The following ADD1 variants were observed in gnomAD, a reference collection of about 807,000 sequenced individuals.
The protein encoded by ADD1 is alpha-adducin.
A neutral mutation model predicts 80.5 loss-of-function variants in ADD1; 24 were observed. The observed-to-expected ratio is 0.30, with a 90% confidence interval of 0.22 to 0.42. The LOEUF is 0.42. Ranked by LOEUF, ADD1 falls within the 10% of genes least tolerant of loss-of-function variation. ADD1 has a pLI of 1.00. For synonymous variants in ADD1, 373 were observed against 393.8 expected (o/e 0.95, Z 0.63); for missense variants, 948 against 1,019.0 (o/e 0.93, Z 0.95).
rs767094265 is a variant in ADD1, at chr4:2,904,956, C to T, written c.1354C>T (p.Arg452Trp). 34 of 1,614,022 alleles carry T rather than the reference C, an allele frequency of 2.1e-5. No homozygotes were observed. The highest frequency in any genetic ancestry group is 1.6e-4 in the Middle Eastern group (1 of 6,084). The change falls in exon 10 of 16, where the codon CGG becomes TGG. Residue 452 changes from arginine to tryptophan, a missense_variant. Physicochemically the swap from Arg to Trp is moderately radical, Grantham distance 101. Coordinates refer to ENST00000683351, the MANE Select transcript of ADD1 (RefSeq NM_001354761.2). ...REKTRWLNSG[R>W]GDEASEEGQN... ...GAAGACAAGATGGCTGAACTCTGGC[C>T]GGGGCGACGAAGCTTCCGAGGAAGG...
At chr4:2,916,714 T>C (rs1039685523) in intron 14 of ADD1, among the ~76,000 whole-genome samples, 1 of 152,148 alleles carries the variant, frequency 6.6e-6, no homozygotes, top group Non-Finnish European at 1.5e-5. Flanking sequence ...GGCCCTGGTG[T>C]GTGATGTCCC....
intron 1 of ADD1, among the ~76,000 whole-genome samples, chr4:2,871,510 C>A (rs1730454054): frequency 6.6e-6 from 1 of 152,174 alleles, no homozygotes; most frequent in Non-Finnish European, 1.5e-5. Context: ...TTAGTAGTAT[C>A]AGTCTGAAAA....
rs1263357 is a variant in ADD1, at chr4:2,869,901, C to G, written c.-20-5995C>G. On this transcript the variant is annotated intron_variant, in intron 1 of 15. Coordinates refer to ENST00000683351, the MANE Select transcript of ADD1 (RefSeq NM_001354761.2). ...GGACATTACCAGGGGATACCACTTT[C>G]ATTATCTCCTTTTTCCCACGGAGCA... Among the ~76,000 whole-genome samples the G allele has an allele frequency of 1.3e-3, 197 of 152,308 alleles. 2 individuals are homozygous for G. Among genetic ancestry groups the G allele is most frequent in the Non-Finnish European group, 1.1e-3 (75 of 68,014 alleles).
Position 2,928,782 on chromosome 4 carries a change from A to C in ADD1, c.*259A>C, listed in dbSNP as rs1329201805. ...CTCTCCCCACAGGGGGGAGGCACTAAGTCATGGTCCTGGCTGGAAGGTACT... is the reference window on the plus strand; with the variant it reads ...CTCTCCCCACAGGGGGGAGGCACTACGTCATGGTCCTGGCTGGAAGGTACT... On this transcript the variant is annotated 3_prime_UTR_variant, in exon 16 of 16. Transcript: ENST00000683351. 2.1e-6 allele frequency: 1 copy of C among 482,016 alleles called. No homozygotes were observed. Among genetic ancestry groups the C allele is most frequent in the African/African-American group, 2.0e-5 (1 of 48,966 alleles). 29.9% of individuals were successfully genotyped at this position (482,016 alleles called of 1,614,324 possible).
At position 2,875,978 on chromosome 4, in the gene ADD1, G is replaced by A. The variant is rs1248208885; in HGVS notation, c.63G>A (p.Lys21=). The A allele has an allele frequency of 6.2e-7, 1 of 1,614,030 alleles. No individual in the cohort carries two copies. The highest frequency in any genetic ancestry group is 8.5e-7 in the Non-Finnish European group (1 of 1,179,950). The stretch of plus-strand genomic sequence containing the variant: ...CACCCCCGACCACAGCCCCTCACAA[G>A]GAGAGGTACTTCGACCGAGTAGATG... ...TSPPPTTAPH[K]ERYFDRVDEN... Residue 21 remains lysine, a synonymous_variant, in exon 2 of 16, where the codon AAG becomes AAA. Coordinates refer to ENST00000683351, the MANE Select transcript of ADD1 (RefSeq NM_001354761.2).
Position 2,929,615 on chromosome 4 carries a change from T to C in ADD1, c.*1092T>C, listed in dbSNP as rs1225451947. ...CAGGAGGTGCCGGTACCAGCCTGACTAGGTACAGGCAAGCTTGTGTGGGCC... is the reference window on the plus strand; with the variant it reads ...CAGGAGGTGCCGGTACCAGCCTGACCAGGTACAGGCAAGCTTGTGTGGGCC... On this transcript the variant is annotated 3_prime_UTR_variant, in exon 16 of 16. Coordinates refer to ENST00000683351, the MANE Select transcript of ADD1 (RefSeq NM_001354761.2). The C allele has an allele frequency of 6.6e-6, 1 of 152,240 alleles. No individual in the cohort carries two copies. Among genetic ancestry groups the C allele is most frequent in the Admixed American group, 6.5e-5 (1 of 15,284 alleles). 9.4% of individuals were successfully genotyped at this position (152,240 alleles called of 1,614,324 possible). A position where few individuals can be genotyped will look rare whatever the true frequency, so the allele number is the denominator to read the frequency against.
At position 2,928,189 on chromosome 4, in the gene ADD1, C is replaced by T. The variant is rs759172832; in HGVS notation, c.2066C>T (p.Thr689Ile). ...KLEEDLVPEP[T>I]TGDDSDAATF... ...CCACTAGACCTTGTGCCGGAGCCGA[C>T]TACTGGAGATGACAGTGATGCTGCC... The change falls in exon 16 of 16, where the codon ACT becomes ATT. Residue 689 changes from threonine to isoleucine, a missense_variant. Coordinates refer to ENST00000683351, the MANE Select transcript of ADD1 (RefSeq NM_001354761.2). The T allele has an allele frequency of 6.2e-7, 1 of 1,614,156 alleles. No homozygotes were observed. Among genetic ancestry groups the T allele is most frequent in the Non-Finnish European group, 8.5e-7 (1 of 1,180,028 alleles).
At chr4:2,923,157 TGCTG>T (rs1740355677) in intron 14 of ADD1, among the ~76,000 whole-genome samples, 1 of 152,206 alleles carries the variant, frequency 6.6e-6, no homozygotes, top group African/African-American at 2.4e-5. Flanking sequence ...GGTTCTGTCT[TGCTG>T]GCATTCCAGG....
chr4:2,916,419 G>A (rs144154021), intron 14 of ADD1, among the ~76,000 whole-genome samples: 318 of 152,020 alleles, frequency 2.1e-3, no homozygotes, highest in African/African-American at 7.0e-3. Flanking sequence ...CGGTCTCAAT[G>A]TCTTGAACTC....
intron 4 of ADD1, among the ~76,000 whole-genome samples, chr4:2,885,876 C>T (rs1167174284): frequency 6.6e-6 from 1 of 152,162 alleles, no homozygotes; most frequent in Non-Finnish European, 1.5e-5. Flanking sequence ...TCCCAAAGTG[C>T]TGGGATTACA....
rs910860920 is a variant in ADD1, at chr4:2,882,143, C to T, written c.358+83C>T. The T allele has an allele frequency of 3.9e-6, 5 of 1,288,700 alleles. No homozygotes were observed. The African/African-American group carries it at 4.5e-5, about 12-fold the overall frequency. 79.8% of individuals were successfully genotyped at this position (1,288,700 alleles called of 1,614,324 possible). ...AGATTGCTCATGTGAAATAAGTGGG[C>T]ATTTAACTGTATAACATAACAGAGT... On this transcript the variant is annotated intron_variant, in intron 3 of 15. Transcript: ENST00000683351.
chr4:2,920,086 T>A (rs1180800078), intron 14 of ADD1, among the ~76,000 whole-genome samples: 1 of 152,242 alleles, frequency 6.6e-6, no homozygotes, highest in Admixed American at 6.5e-5. Flanking sequence ...CTGCGTGAAT[T>A]TTGTTATTTA....
At chr4:2,884,463 C>A in intron 3 of ADD1, 52 bp from the exon 4 acceptor site, 1 of 1,438,926 alleles carries the variant, frequency 6.9e-7, no homozygotes, top group Non-Finnish European at 9.4e-7. Flanking sequence ...GTAACTAGGA[C>A]TACAGGCGTA....
chr4:2,855,264 A>G (rs1465315853), intron 1 of ADD1, among the ~76,000 whole-genome samples: 1 of 152,164 alleles, frequency 6.6e-6, no homozygotes, highest in Admixed American at 6.6e-5. Context: ...AGTGTCTCTT[A>G]TAAGTTACCT....
Position 2,928,423 on chromosome 4 carries a change from C to G in ADD1, c.2300C>G (p.Pro767Arg). 1 of 1,613,586 alleles carries G rather than the reference C, an allele frequency of 6.2e-7. No individual in the cohort carries two copies. Among genetic ancestry groups the G allele is most frequent in the East Asian group, 2.2e-5 (1 of 44,876 alleles). The change falls in exon 16 of 16, where the codon CCT becomes CGT. Residue 767 changes from proline (P) to arginine (R), a missense_variant. By Grantham distance (103) the Pro-to-Arg change is moderately radical. Transcript: ENST00000683351. ...SAVEEGAAAD[P>R]GSDGSPGKSP... ...GTCGAGGAGGGGGCCGCCGCGGACC[C>G]TGGCAGCGATGGGTCTCCAGGCAAG...
At chr4:2,852,241 TTCTTTC>T (rs1727334565) in intron 1 of ADD1, among the ~76,000 whole-genome samples, 1 of 148,288 alleles carries the variant, frequency 6.7e-6, no homozygotes, top group Non-Finnish European at 1.5e-5. Context: ...CTTTCTTTCT[TTCTTTC>T]TCTTTCTTTC....
At chr4:2,845,614 T>G (rs1230435925) in intron 1 of ADD1, among the ~76,000 whole-genome samples, 2 of 152,168 alleles carry the variant, frequency 1.3e-5, no homozygotes, top group African/African-American at 2.4e-5. Flanking sequence ...GTCCCCGAAT[T>G]GTGAGATAGT....
intron 1 of ADD1, among the ~76,000 whole-genome samples, chr4:2,857,821 A>G (rs1410207362): frequency 2.0e-5 from 3 of 152,220 alleles, no homozygotes; most frequent in African/African-American, 4.8e-5. Context: ...TATGGCCAGT[A>G]TACGAGACTT....
intron 14 of ADD1, among the ~76,000 whole-genome samples, chr4:2,918,138 A>G (rs1739387765): frequency 6.6e-6 from 1 of 152,168 alleles, no homozygotes; most frequent in Non-Finnish European, 1.5e-5. Context: ...CACAATACTG[A>G]TTCTTTGTAT....
Sources: allele counts gnomAD v4.1 joint callset (sites outside exome capture counted in the v4.1 genomes callset), GRCh38; gene constraint gnomAD v4.1.1; transcripts MANE v1.5; gene names NCBI Gene and HGNC (gene_info 2026-07-23, HGNC 2026-07-21).